CENPI: variants seen among roughly 807,000 people sequenced by gnomAD.
The protein encoded by CENPI is centromere protein I, also known as FSH primary response 1.
Under a neutral mutation model 60.4 loss-of-function variants are expected in CENPI, and 4 were observed. That is an observed-to-expected ratio of 0.07 (90% CI 0.03 to 0.15). The LOEUF (loss-of-function observed/expected upper bound fraction) is 0.15, where lower values mean the gene tolerates loss of function less well. Among genes scored for constraint, CENPI ranks in the 10% least tolerant of loss-of-function variants. The pLI, the probability that CENPI is intolerant of heterozygous loss-of-function variation, is 1.00. For synonymous variants in CENPI, 157 were observed against 189.4 expected (o/e 0.83, Z 1.40); for missense variants, 444 against 534.5 (o/e 0.83, Z 1.67).
intron 9 of CENPI, 138 bp from the exon 10 acceptor site, chrX:101,126,999 GA>G (rs994202303): frequency 5.5e-4 from 324 of 585,074 alleles, no homozygotes; most frequent in African/African-American, 3.9e-3. Context: ...TTACTAATCA[GA>G]AAAAAAAATA....
intron 15 of CENPI, among the ~76,000 whole-genome samples, chrX:101,134,173 C>G (rs1002417970): frequency 5.4e-5 from 6 of 110,449 alleles, no homozygotes; most frequent in Admixed American, 1.9e-4. Context: ...GTACAAGATT[C>G]CAGAAGAAAT....
the CENPI span, among the ~76,000 whole-genome samples, chrX:101,171,378 T>C: frequency 8.9e-6 from 1 of 112,164 alleles, no homozygotes; most frequent in Admixed American, 9.5e-5. Flanking sequence ...GGTCTCTGTG[T>C]CACACCATAA....
chrX:101,137,312 A>G (rs1180604311), intron 15 of CENPI, among the ~76,000 whole-genome samples: 1 of 112,000 alleles, frequency 8.9e-6, no homozygotes, highest in Non-Finnish European at 1.9e-5. Flanking sequence ...CCCTTGGCGT[A>G]CATTTATAGG....
In CENPI at chrX:101,163,108, T is replaced by C; in HGVS notation, c.*141T>C. The C allele has an allele frequency of 1.6e-6, 1 of 637,121 alleles. No individual in the cohort carries two copies. Among genetic ancestry groups the C allele is most frequent in the East Asian group, 3.6e-5 (1 of 27,694 alleles). 52.5% of individuals were successfully genotyped at this position (637,121 alleles called of 1,213,427 possible). A position where few individuals can be genotyped will look rare whatever the true frequency, so the allele number is the denominator to read the frequency against. On this transcript the variant is annotated 3_prime_UTR_variant, in exon 22 of 22. Transcript: ENST00000682095. ...AGTACTCAGACTGGCCTTCTGTTCA[T>C]GGCTTAGGAGAGCCTTGGTGTGCCT...
At chrX:101,116,282 CATT>C (rs1190899706) in intron 6 of CENPI, among the ~76,000 whole-genome samples, 1 of 109,869 alleles carries the variant, frequency 9.1e-6, no homozygotes, top group Non-Finnish European at 1.9e-5. Flanking sequence ...TTTCTTAAAA[CATT>C]ATGAGATTTT....
At chrX:101,148,621 T>C (rs1023939697) in intron 20 of CENPI, among the ~76,000 whole-genome samples, 1 of 112,205 alleles carries the variant, frequency 8.9e-6, no homozygotes, top group African/African-American at 3.2e-5. Context: ...GATATCAATA[T>C]GCAGGCAGGT....
intron 4 of CENPI, among the ~76,000 whole-genome samples, chrX:101,103,959 T>C (rs903011851): frequency 2.7e-5 from 3 of 111,692 alleles, no homozygotes; most frequent in African/African-American, 9.7e-5. Context: ...CTTCATTACC[T>C]TCATTTTCTT....
the CENPI span, among the ~76,000 whole-genome samples, chrX:101,174,086 G>A: frequency 6.2e-5 from 7 of 112,055 alleles, no homozygotes; most frequent in Admixed American, 9.5e-5. Context: ...TAAAAAAGTC[G>A]AAAAACAATA....
chrX:101,101,501 G>A (rs1470707849), intron 3 of CENPI, among the ~76,000 whole-genome samples: 2 of 110,946 alleles, frequency 1.8e-5, no homozygotes, highest in African/African-American at 3.3e-5. Flanking sequence ...GTTCCCAAAC[G>A]GCTGCATATT....
chrX:101,167,316 T>C (rs1462153348), downstream of CENPI, among the ~76,000 whole-genome samples: 8 of 111,857 alleles, frequency 7.2e-5, no homozygotes, highest in African/African-American at 2.6e-4. Context: ...ATCCTGGGCA[T>C]TTATGAGTAC....
At chrX:101,135,586 T>C (rs2089838747) in intron 15 of CENPI, among the ~76,000 whole-genome samples, 1 of 112,686 alleles carries the variant, frequency 8.9e-6, no homozygotes, top group African/African-American at 3.2e-5. Flanking sequence ...ATATTTAGCC[T>C]AACAAATTCA....
At chrX:101,151,265 A>G (rs2090003761) in intron 20 of CENPI, among the ~76,000 whole-genome samples, 1 of 111,423 alleles carries the variant, frequency 9.0e-6, no homozygotes, top group Admixed American at 9.7e-5. Flanking sequence ...CATGATTTAT[A>G]AGAGTTCCCA....
chrX:101,158,232 A>G (rs1210430066), intron 20 of CENPI, among the ~76,000 whole-genome samples: 1 of 110,362 alleles, frequency 9.1e-6, no homozygotes, highest in Admixed American at 9.8e-5. Context: ...TAGTTTAACA[A>G]GAATAGCATT....
At chrX:101,124,090 A>AGTGTGTGTGTGTGTGT (rs397842781) in intron 8 of CENPI, among the ~76,000 whole-genome samples, 1 of 88,260 alleles carries the variant, frequency 1.1e-5, no homozygotes, top group African/African-American at 4.2e-5. Context: ...TATAGAATCA[A>AGTGTGTGTGTGTGTGT]GTGTGTGTGT....
At position 101,159,394 on chromosome X, in the gene CENPI, C is replaced by T. The variant is rs190288512; in HGVS notation, c.2095-2134C>T. ...AGCCAGGACGGTCTTGATCTCCTGA[C>T]CTCGTGATCAGCCCACCTCAGCCTC... is the stretch of plus-strand genomic sequence containing the variant. On this transcript the variant is annotated intron_variant, in intron 20 of 21. Coordinates refer to ENST00000682095, the MANE Select transcript of CENPI (RefSeq NM_001386188.2). 7.3e-4 allele frequency among the ~76,000 whole-genome samples: 80 copies of T among 109,764 alleles called. 1 individual carries two copies. The highest frequency in any genetic ancestry group is 3.2e-3 in the South Asian group (8 of 2,511).
chrX:101,114,477 A>T (rs1361111982), intron 6 of CENPI, among the ~76,000 whole-genome samples: 1 of 109,990 alleles, frequency 9.1e-6, no homozygotes, highest in Non-Finnish European at 1.9e-5. Flanking sequence ...TCTCTCTATT[A>T]CCCCCCTAGC....
At chrX:101,130,834 T>A (rs1377398876) in intron 13 of CENPI, among the ~76,000 whole-genome samples, 3 of 111,940 alleles carry the variant, frequency 2.7e-5, no homozygotes, top group Non-Finnish European at 5.6e-5. Context: ...CCAGTGTGGG[T>A]TAGCTCCTTG....
At chrX:101,171,151 A>C in the CENPI span, among the ~76,000 whole-genome samples, 1 of 112,300 alleles carries the variant, frequency 8.9e-6, no homozygotes, top group Admixed American at 9.5e-5. Context: ...ATAAGGGTAG[A>C]CACAGGTCAA....
At chrX:101,128,927 G>A (rs776674369) in intron 12 of CENPI, 91 bp downstream of exon 12, 1 of 742,331 alleles carries the variant, frequency 1.3e-6, no homozygotes, top group African/African-American at 2.1e-5. Flanking sequence ...GCCTTCATAT[G>A]CTGTAATTAT....
Sources: gnomAD v4.1 joint callset for allele counts (sites outside exome capture counted in the v4.1 genomes callset) on GRCh38, gnomAD v4.1.1 for gene constraint, MANE v1.5 for transcripts, NCBI Gene and HGNC (gene_info 2026-07-23, HGNC 2026-07-21) for gene names.